Variants in CASP4 observed in about 807,000 individuals in gnomAD.
The protein encoded by CASP4 is caspase-4.
CASP4 carries 29 observed loss-of-function variants against 41.3 expected under a neutral mutation model. The observed-to-expected ratio is 0.70, with a 90% CI of 0.52 to 0.96. The LOEUF (loss-of-function observed/expected upper bound fraction) is 0.96, where lower values mean the gene tolerates loss of function less well. Ranked by LOEUF, CASP4 falls within the 40% of genes least tolerant of loss-of-function variation. The pLI, the probability that CASP4 is intolerant of heterozygous loss-of-function variation, is 0.00. For synonymous variants in CASP4, 185 were observed against 158.4 expected, an observed-to-expected ratio of 1.17 and a Z score of -1.26; for missense variants, 447 against 460.6, an observed-to-expected ratio of 0.97 and a Z score of 0.27.
chr11:104,966,208 G>C (rs1179568714), intron 1 of CASP4, among the ~76,000 whole-genome samples: 6 of 152,148 alleles, frequency 3.9e-5, no homozygotes, highest in African/African-American at 1.4e-4. Context: ...AACCCACCTG[G>C]TGATTACAAA....
chr11:104,959,486 A>G (rs1363829543), intron 1 of CASP4, among the ~76,000 whole-genome samples: 1 of 152,164 alleles, frequency 6.6e-6, no homozygotes, highest in South Asian at 2.1e-4. Context: ...GGCCTGAGGT[A>G]TAATCTACAC....
intron 1 of CASP4, among the ~76,000 whole-genome samples, chr11:104,956,292 C>T (rs926525532): frequency 6.6e-5 from 10 of 152,082 alleles, no homozygotes; most frequent in African/African-American, 2.4e-4. Context: ...ACTTATGTCA[C>T]ATCACATGAA....
intron 1 of CASP4, among the ~76,000 whole-genome samples, chr11:104,960,773 C>G (rs1268449320): frequency 1.3e-5 from 2 of 152,228 alleles, no homozygotes; most frequent in African/African-American, 4.8e-5. Flanking sequence ...CCACATCCAG[C>G]CTTTTTTTTT....
intron 1 of CASP4, among the ~76,000 whole-genome samples, chr11:104,955,772 T>A (rs1171385812): frequency 6.6e-6 from 1 of 152,146 alleles, no homozygotes; most frequent in East Asian, 1.9e-4. Flanking sequence ...ATACATCCTT[T>A]GTTTCAATAC....
At position 104,952,065 on chromosome 11, in the gene CASP4, T is replaced by C; in HGVS notation, c.263-60A>G. 3 of 1,018,086 alleles carry C rather than the reference T, an allele frequency of 2.9e-6. No individual in the cohort carries two copies. The South Asian group carries it at 3.8e-5, about 13-fold the overall frequency. The allele number at this position is 1,018,086 out of a possible 1,614,324, so 63.1% of individuals were successfully genotyped here. On this transcript the variant is annotated intron_variant, in intron 2 of 8. Transcript: ENST00000444739. ...TGCCTCTGTGACCCAATTTATCACC[T>C]AAGAAGATCGAGAGAGAAGACGTCC...
chr11:104,964,097 G>A (rs1289440727), intron 1 of CASP4, among the ~76,000 whole-genome samples: 1 of 152,156 alleles, frequency 6.6e-6, no homozygotes, highest in African/African-American at 2.4e-5. Flanking sequence ...ATTGTTGGAT[G>A]CCACAGAAGT....
chr11:104,947,189 T>C lies in CASP4; in HGVS notation c.929A>G (p.Asn310Ser). The C allele has an allele frequency of 6.3e-7, 1 of 1,584,908 alleles. No individual in the cohort carries two copies. Among genetic ancestry groups the C allele is most frequent in the Non-Finnish European group, 8.7e-7 (1 of 1,154,920 alleles). Residue 310 changes from asparagine to serine, a missense_variant, in exon 7 of 9, where the codon AAC (asparagine) becomes AGC (serine). Transcript: ENST00000444739. ...CATTGTGCTGTCTCTCCAGGACACGTTGTCTATAATGATACAGATGGGTAT... is the reference window on the plus strand; with the variant it reads ...CATTGTGCTGTCTCTCCAGGACACGCTGTCTATAATGATACAGATGGGTAT... ...FIAFCSSTPHNVSWRDSTMGS... is the reference protein window; with the variant it reads ...FIAFCSSTPHSVSWRDSTMGS...
chr11:104,966,315 C>CTGAT (rs1860974410), intron 1 of CASP4, among the ~76,000 whole-genome samples: 1 of 152,056 alleles, frequency 6.6e-6, no homozygotes, highest in Non-Finnish European at 1.5e-5. Context: ...ATTCCCCTAT[C>CTGAT]CATTCAGGTA....
chr11:104,945,497 C>T (rs1460399785), intron 7 of CASP4, among the ~76,000 whole-genome samples: 1 of 152,036 alleles, frequency 6.6e-6, no homozygotes, highest in Non-Finnish European at 1.5e-5. Context: ...ACCTCATGAT[C>T]CTCCTGCCTC....
rs764793096 is a variant in CASP4 at position 104,954,982 on chromosome 11, C to T, written c.27G>A (p.Lys9=). 2.1e-5 allele frequency: 34 copies of T among 1,612,868 alleles called. No individual in the cohort carries two copies. Among genetic ancestry groups the T allele is most frequent in the Non-Finnish European group, 2.8e-5 (33 of 1,179,554 alleles). Residue 9 remains lysine (K), a synonymous_variant, in exon 2 of 9, where the codon AAG becomes AAA. Coordinates refer to ENST00000444739, the MANE Select transcript of CASP4 (RefSeq NM_001225.4). Reference sequence around the variant, plus strand: ...CCAGGGATTCCAACACCTTAAGTGGCTTTTTTCTGTGGTTGCCTTCTGTTA... The same window carrying T: ...CCAGGGATTCCAACACCTTAAGTGGTTTTTTTCTGTGGTTGCCTTCTGTTA... The part of the protein sequence containing the change: MAEGNHRK[K]PLKVLESLGK...
At chr11:104,950,157 G>A (rs1256470088) in intron 4 of CASP4, among the ~76,000 whole-genome samples, 1 of 152,032 alleles carries the variant, frequency 6.6e-6, no homozygotes, top group African/African-American at 2.4e-5. Context: ...CTTCTGGCCT[G>A]ACCATACACC....
At chr11:104,949,016 A>G (rs1441861480) in intron 5 of CASP4, 3 of 201,952 alleles carry the variant, frequency 1.5e-5, no homozygotes, top group Admixed American at 1.1e-4. Context: ...GGCCTCCCAA[A>G]GTGTTGGGAT....
intron 3 of CASP4, chr11:104,951,460 G>T: frequency 4.1e-6 from 1 of 241,430 alleles, no homozygotes; most frequent in East Asian, 9.5e-5. Flanking sequence ...CGGAAGCATA[G>T]CTATTTTGTT....
intron 8 of CASP4, 114 bp downstream of exon 8, chr11:104,944,633 AC>A (rs1860408462): frequency 1.2e-5 from 8 of 671,476 alleles, no homozygotes. Flanking sequence ...GACTATATCA[AC>A]AAAAACACCA....
Position 104,944,854 on chromosome 11 carries a change from G to C in CASP4, c.1036-3C>G. 1 of 1,597,546 alleles carries C rather than the reference G, an allele frequency of 6.3e-7. No individual in the cohort carries two copies. The highest frequency in any genetic ancestry group is 1.3e-5 in the African/African-American group (1 of 74,652). On this transcript the variant is annotated splice_polypyrimidine_tract_variant and splice_region_variant and intron_variant, in intron 7 of 8. Transcript: ENST00000444739. The stretch of plus-strand genomic sequence containing the variant: ...GGAGTTTCAAATGATTGCTGTACCT[G>C]AAAAAGAAAATAGGCTGTAGATGAG...
chr11:104,953,822 A>C (rs980520850), intron 2 of CASP4, among the ~76,000 whole-genome samples: 2 of 152,102 alleles, frequency 1.3e-5, no homozygotes, highest in Non-Finnish European at 2.9e-5. Context: ...ATAATACGTA[A>C]TTCAATCTGG....
intron 2 of CASP4, among the ~76,000 whole-genome samples, chr11:104,952,641 A>G (rs1860644196): frequency 6.6e-6 from 1 of 152,202 alleles, no homozygotes; most frequent in African/African-American, 2.4e-5. Context: ...AGATAAATAC[A>G]TACATACACC....
chr11:104,947,268 GT>G lies in CASP4; in HGVS notation c.926-77del, dbSNP rs1414526324. ...TTGTTCATATTTTTGTTTTGAGAAT[GT>G]TTTTAAAAAGAAAAGCATAGCTTGG... On this transcript the variant is annotated intron_variant, in intron 6 of 8. Transcript: ENST00000444739. 3 of 908,102 alleles carry G rather than the reference GT, an allele frequency of 3.3e-6. No homozygotes were observed. The Admixed American group carries it at 6.9e-5, about 21-fold the overall frequency. 56.3% of individuals were successfully genotyped at this position (908,102 alleles called of 1,614,324 possible).
At chr11:104,948,072 G>A (rs1161775245) in intron 6 of CASP4, 1 of 152,180 alleles carries the variant, frequency 6.6e-6, no homozygotes, top group East Asian at 1.9e-4. Flanking sequence ...TAATTACCTA[G>A]ACATGAAATA....
Sources: allele counts gnomAD v4.1 joint callset (sites outside exome capture counted in the v4.1 genomes callset), GRCh38; gene constraint gnomAD v4.1.1; transcripts MANE v1.5; gene names NCBI Gene and HGNC (gene_info 2026-07-23, HGNC 2026-07-21).